Variants in CLEC9A observed in about 807,000 individuals in gnomAD.
The protein encoded by CLEC9A is C-type lectin domain family 9 member A.
A neutral mutation model predicts 30.0 loss-of-function variants in CLEC9A; 24 were observed. The observed-to-expected ratio is 0.80, with a 90% CI of 0.58 to 1.13. CLEC9A has a LOEUF of 1.13. Among genes scored for constraint, CLEC9A ranks in the 50% most tolerant of loss-of-function variants. The pLI is 0.00. For synonymous variants in CLEC9A, 111 were observed against 96.8 expected (o/e 1.15, Z -0.86); for missense variants, 251 against 280.9 (o/e 0.89, Z 0.76).
At chr12:10,043,007 A>G (rs1474604550) in intron 2 of CLEC9A, among the ~76,000 whole-genome samples, 1 of 152,240 alleles carries the variant, frequency 6.6e-6, no homozygotes, top group East Asian at 1.9e-4. Context: ...TATTTTGTGT[A>G]CAATTTTACC....
intron 4 of CLEC9A, among the ~76,000 whole-genome samples, 161 bp from the exon 5 acceptor site, chr12:10,054,110 G>C (rs555522292): frequency 6.6e-6 from 1 of 152,234 alleles, no homozygotes; most frequent in Admixed American, 6.5e-5. Flanking sequence ...TTTGAGCAAA[G>C]GTTCTCTTTT....
chr12:10,052,573 C>G, intron 3 of CLEC9A, 57 bp from the exon 4 acceptor site: 3 of 1,486,750 alleles, frequency 2.0e-6, no homozygotes, highest in African/African-American at 1.4e-5. Context: ...TATTTTCCCA[C>G]TACTGTGAAA....
At chr12:10,033,771 C>G (rs1268486054) in intron 1 of CLEC9A, among the ~76,000 whole-genome samples, 2 of 152,096 alleles carry the variant, frequency 1.3e-5, no homozygotes, top group Non-Finnish European at 2.9e-5. Context: ...AACAGTCTTT[C>G]CATTCTCACA....
chr12:10,064,828 G>C lies in CLEC9A; in HGVS notation c.568G>C (p.Asp190His). The change falls in exon 8 of 9, where the codon GAT becomes CAT. Residue 190 changes from aspartate (D) to histidine (H), a missense_variant. Asp to His is a moderately conservative substitution (Grantham distance 81, BLOSUM62 -1). Coordinates refer to ENST00000355819, the MANE Select transcript of CLEC9A (RefSeq NM_207345.4). ...ACACAGCGGACGCTGGCTTTGGCAA[G>C]ATGGCTCCTCTCCTTCTCCTGGCCT... ...DGHSGRWLWQDGSSPSPGLLP... is the reference protein window; with the variant it reads ...DGHSGRWLWQHGSSPSPGLLP... 2 of 1,613,328 alleles carry C rather than the reference G, an allele frequency of 1.2e-6. No homozygotes were observed. Among genetic ancestry groups the C allele is most frequent in the East Asian group, 4.5e-5 (2 of 44,802 alleles).
intron 5 of CLEC9A, among the ~76,000 whole-genome samples, chr12:10,056,079 A>AG (rs1472172091): frequency 6.6e-6 from 1 of 150,776 alleles, no homozygotes; most frequent in African/African-American, 2.4e-5. Flanking sequence ...AAAAAAAAAA[A>AG]AAAAAGATAC....
chr12:10,061,209 G>A lies in CLEC9A; in HGVS notation c.255G>A (p.Trp85Ter). Residue 85 changes from tryptophan (W) to a stop codon, truncating the protein, a stop_gained, in exon 6 of 9, where the codon TGG (tryptophan) becomes TGA (stop). Coordinates refer to ENST00000355819, the MANE Select transcript of CLEC9A (RefSeq NM_207345.4). LOFTEE classifies it high-confidence loss of function. Reference protein sequence around the residue: ...QERALLNFTEWKRSCALQMKY... With the variant: ...QERALLNFTE ...GGGCACTGCTAAACTTTACAGAATG[G>A]AAGAGAAGCTGTGCCCTTCAGATGA... The A allele has an allele frequency of 6.2e-7, 1 of 1,612,396 alleles. No homozygotes were observed. The highest frequency in any genetic ancestry group is 8.5e-7 in the Non-Finnish European group (1 of 1,179,456).
At chr12:10,034,422 C>T (rs1257256850) in intron 1 of CLEC9A, among the ~76,000 whole-genome samples, 1 of 152,166 alleles carries the variant, frequency 6.6e-6, no homozygotes, top group Non-Finnish European at 1.5e-5. Flanking sequence ...TGGAAGAACT[C>T]AATTATATCA....
intron 7 of CLEC9A, among the ~76,000 whole-genome samples, chr12:10,063,651 G>T (rs1866016468): frequency 6.6e-6 from 1 of 152,150 alleles, no homozygotes; most frequent in Admixed American, 6.6e-5. Context: ...GAAATAAATA[G>T]GTCTTGAAAA....
At chr12:10,033,287 T>A (rs182786345) in intron 1 of CLEC9A, among the ~76,000 whole-genome samples, 3 of 152,160 alleles carry the variant, frequency 2.0e-5, no homozygotes, top group Non-Finnish European at 4.4e-5. Context: ...GTTTTTTTTT[T>A]AATTTATCCT....
intron 5 of CLEC9A, among the ~76,000 whole-genome samples, chr12:10,056,766 C>T (rs371648127): frequency 6.6e-6 from 1 of 151,466 alleles, no homozygotes; most frequent in African/African-American, 2.4e-5. Context: ...TGTTAACTCC[C>T]CAAACACAAA....
intron 7 of CLEC9A, 65 bp from the exon 8 acceptor site, chr12:10,064,667 T>G: frequency 6.5e-7 from 1 of 1,529,668 alleles, no homozygotes; most frequent in Non-Finnish European, 8.9e-7. Context: ...ATGTCACACT[T>G]TATATTTCAC....
In CLEC9A at chr12:10,061,231, A is replaced by G. The variant is rs539215421; in HGVS notation, c.277A>G (p.Met93Val). The G allele has an allele frequency of 2.9e-5, 47 of 1,612,022 alleles. No homozygotes were observed. In the South Asian group the frequency reaches 3.6e-4, roughly 13 times the overall value. The change falls in exon 6 of 9, where the codon ATG becomes GTG. Residue 93 changes from methionine (M) to valine (V), a missense_variant. Transcript: ENST00000355819. Reference protein sequence around the residue: ...TEWKRSCALQMKYCQAFMQNS... With the variant: ...TEWKRSCALQVKYCQAFMQNS... ...ATGGAAGAGAAGCTGTGCCCTTCAG[A>G]TGAAATATTGCCAAGCCTTCATGCA...
chr12:10,047,212 T>C (rs563972173), intron 2 of CLEC9A, among the ~76,000 whole-genome samples: 10 of 152,370 alleles, frequency 6.6e-5, no homozygotes, highest in African/African-American at 2.4e-4. Context: ...TTTAACTGTT[T>C]ATTTAGAGAA....
intron 4 of CLEC9A, among the ~76,000 whole-genome samples, chr12:10,053,313 T>C (rs934744655): frequency 6.6e-6 from 1 of 152,170 alleles, no homozygotes; most frequent in Admixed American, 6.5e-5. Context: ...CAAGCTGAAA[T>C]GGATTTCAAT....
At chr12:10,053,492 A>T (rs184382999) in intron 4 of CLEC9A, among the ~76,000 whole-genome samples, 6 of 152,300 alleles carry the variant, frequency 3.9e-5, no homozygotes, top group Non-Finnish European at 5.9e-5. Flanking sequence ...TTATCATGCC[A>T]TGCTCTGTCC....
At chr12:10,062,942 C>A in intron 6 of CLEC9A, 113 bp from the exon 7 acceptor site, 1 of 802,394 alleles carries the variant, frequency 1.2e-6, no homozygotes, top group Admixed American at 3.1e-5. Context: ...TCATGTGGAC[C>A]ATTACGTTAT....
intron 2 of CLEC9A, among the ~76,000 whole-genome samples, chr12:10,050,666 G>A (rs908112575): frequency 3.9e-5 from 6 of 152,182 alleles, no homozygotes; most frequent in Admixed American, 1.3e-4. Context: ...TATATTTGGG[G>A]AAAAGGAGTC....
intron 5 of CLEC9A, among the ~76,000 whole-genome samples, chr12:10,057,402 C>G (rs1411961142): frequency 1.3e-5 from 2 of 151,714 alleles, no homozygotes; most frequent in Non-Finnish European, 2.9e-5. Flanking sequence ...AAACTATAAC[C>G]TTTTATTTAA....
chr12:10,035,892 A>T (rs575140653), intron 1 of CLEC9A, among the ~76,000 whole-genome samples: 1 of 152,346 alleles, frequency 6.6e-6, no homozygotes, highest in South Asian at 2.1e-4. Context: ...GGAGTTAGCC[A>T]CCATGCCCGG....
Sources: allele counts gnomAD v4.1 joint callset (sites outside exome capture counted in the v4.1 genomes callset), GRCh38; gene constraint gnomAD v4.1.1; transcripts MANE v1.5; gene names NCBI Gene and HGNC (gene_info 2026-07-23, HGNC 2026-07-21).